Variants in FGGY observed in about 807,000 individuals in gnomAD.
FGGY encodes the protein FGGY carbohydrate kinase domain containing.
In FGGY, 72 loss-of-function variants were observed where a neutral mutation model predicts 71.3. That is an observed-to-expected ratio of 1.01 (90% confidence interval 0.84 to 1.23). FGGY has a LOEUF of 1.23. FGGY is among the 50% of genes most tolerant of loss of function. The pLI, the probability that FGGY is intolerant of heterozygous loss-of-function variation, is 0.00. For missense variants in FGGY, 668 were observed against 682.3 expected, an observed-to-expected ratio of 0.98 and a Z score of 0.23; for synonymous variants, 251 against 250.3, an observed-to-expected ratio of 1.00 and a Z score of -0.02.
chr1:59,420,185 CAT>C (rs1474315762), intron 5 of FGGY, among the ~76,000 whole-genome samples: 1 of 150,076 alleles, frequency 6.7e-6, no homozygotes, highest in Admixed American at 6.6e-5. Flanking sequence ...ATGAACATCT[CAT>C]GTGTGTAGCT....
chr1:59,688,877 G>A (rs981541051), intron 14 of FGGY, among the ~76,000 whole-genome samples: 1 of 151,802 alleles, frequency 6.6e-6, no homozygotes, highest in South Asian at 2.1e-4. Context: ...AGCCTCCCAA[G>A]TAGCTGGGAT....
At chr1:59,613,947 G>A (rs2096720365) in intron 9 of FGGY, among the ~76,000 whole-genome samples, 2 of 152,156 alleles carry the variant, frequency 1.3e-5, no homozygotes, top group Non-Finnish European at 2.9e-5. Context: ...GACTAAACCA[G>A]GAAGAAGTTG....
intron 8 of FGGY, among the ~76,000 whole-genome samples, chr1:59,557,205 G>C (rs1416512534): frequency 2.0e-5 from 3 of 152,124 alleles, no homozygotes; most frequent in African/African-American, 2.4e-5. Context: ...AACCGCCACT[G>C]TGAGGAAAAA....
chr1:59,393,802 T>C (rs2060990044), intron 5 of FGGY, among the ~76,000 whole-genome samples: 3 of 152,326 alleles, frequency 2.0e-5, no homozygotes, highest in Admixed American at 2.0e-4. Context: ...GTGCTTTTTA[T>C]CAGAATTTCA....
At chr1:59,469,361 A>G (rs1321648877) in intron 6 of FGGY, among the ~76,000 whole-genome samples, 1 of 152,166 alleles carries the variant, frequency 6.6e-6, no homozygotes, top group Non-Finnish European at 1.5e-5. Flanking sequence ...TTGCTGCATC[A>G]TCCCATGGCA....
At chr1:59,321,809 G>A in intron 2 of FGGY, 59 bp downstream of exon 2, 12 of 1,516,710 alleles carry the variant, frequency 7.9e-6, no homozygotes, top group Non-Finnish European at 8.1e-6. Flanking sequence ...AGTGTCGTGT[G>A]TCAATCTGGT....
At chr1:59,386,952 A>T (rs2060143654) in intron 5 of FGGY, among the ~76,000 whole-genome samples, 1 of 152,048 alleles carries the variant, frequency 6.6e-6, no homozygotes, top group Admixed American at 6.6e-5. Context: ...ATAATTCTGT[A>T]TGGGTTATTA....
intron 11 of FGGY, among the ~76,000 whole-genome samples, chr1:59,649,596 A>AT (rs2097135891): frequency 1.9e-5 from 1 of 52,212 alleles, no homozygotes; most frequent in East Asian, 5.0e-4. Flanking sequence ...TTGTACATTG[A>AT]TTTTGTATCC....
At chr1:59,510,000 C>T (rs2094479844) in intron 6 of FGGY, among the ~76,000 whole-genome samples, 1 of 151,250 alleles carries the variant, frequency 6.6e-6, no homozygotes, top group African/African-American at 2.4e-5. Context: ...ATTTAGTAGG[C>T]AAGATTTCTA....
chr1:59,347,769 C>T (rs1048118468), intron 4 of FGGY, among the ~76,000 whole-genome samples: 3 of 152,146 alleles, frequency 2.0e-5, no homozygotes, highest in Non-Finnish European at 4.4e-5. Context: ...AAAACTGAAA[C>T]TGGATCCCTT....
In FGGY at chr1:59,300,652, G is replaced by A. The variant is rs1193606438; in HGVS notation, c.-15+3502G>A. 2.0e-5 allele frequency among the ~76,000 whole-genome samples: 3 copies of A among 151,278 alleles called. No homozygotes were observed. In the East Asian group the frequency reaches 5.8e-4, roughly 29 times the overall value. On this transcript the variant is annotated intron_variant, in intron 1 of 15. Coordinates refer to ENST00000303721, the MANE Select transcript of FGGY (RefSeq NM_018291.5). ...ATATTAAATCTGTGATCATTTTAAG[G>A]TAATTTTTGTATAGGACATGAAATA...
intron 7 of FGGY, among the ~76,000 whole-genome samples, chr1:59,534,134 A>G (rs948848776): frequency 2.6e-5 from 4 of 152,224 alleles, no homozygotes; most frequent in Admixed American, 2.6e-4. Flanking sequence ...AGAAGTGCTT[A>G]AAGGAGCTGA....
chr1:59,395,341 C>T (rs2061198193), intron 5 of FGGY, among the ~76,000 whole-genome samples: 1 of 151,930 alleles, frequency 6.6e-6, no homozygotes, highest in Non-Finnish European at 1.5e-5. Flanking sequence ...TTATATTTTT[C>T]CCTTGGTGTA....
intron 4 of FGGY, among the ~76,000 whole-genome samples, chr1:59,375,489 G>C (rs1449182896): frequency 1.3e-5 from 2 of 152,110 alleles, no homozygotes; most frequent in African/African-American, 2.4e-5. Flanking sequence ...GAGTACCTCA[G>C]ACTTCCCACA....
At chr1:59,473,146 G>T (rs1440876832) in intron 6 of FGGY, among the ~76,000 whole-genome samples, 2 of 152,158 alleles carry the variant, frequency 1.3e-5, no homozygotes, top group Non-Finnish European at 2.9e-5. Context: ...AAATCTTGCT[G>T]CTGCTCACTC....
chr1:59,654,649 A>G (rs1357103504), intron 11 of FGGY, among the ~76,000 whole-genome samples: 3 of 152,222 alleles, frequency 2.0e-5, no homozygotes, highest in Admixed American at 1.3e-4. Context: ...TTTAGAACCT[A>G]TGAACCTATA....
intron 14 of FGGY, among the ~76,000 whole-genome samples, chr1:59,745,513 A>G (rs541313290): frequency 6.6e-6 from 1 of 152,314 alleles, no homozygotes; most frequent in South Asian, 2.1e-4. Flanking sequence ...AGGAATTACT[A>G]TTGAAGCAGG....
intron 8 of FGGY, among the ~76,000 whole-genome samples, chr1:59,605,555 GA>G (rs1020211110): frequency 2.6e-5 from 4 of 152,288 alleles, no homozygotes; most frequent in African/African-American, 9.6e-5. Flanking sequence ...CTTTTCTTAT[GA>G]AAGCCTATCT....
chr1:59,340,522 A>T (rs1474223445), intron 3 of FGGY, among the ~76,000 whole-genome samples: 1 of 152,206 alleles, frequency 6.6e-6, no homozygotes, highest in African/African-American at 2.4e-5. Context: ...GATAGAAGGT[A>T]GAAGCAGATG....
Sources: allele counts gnomAD v4.1 joint callset (sites outside exome capture counted in the v4.1 genomes callset), GRCh38; gene constraint gnomAD v4.1.1; transcripts MANE v1.5; gene names NCBI Gene and HGNC (gene_info 2026-07-23, HGNC 2026-07-21).